The following TRAPPC9 variants were observed in gnomAD, a reference collection of about 807,000 sequenced individuals.
The protein encoded by TRAPPC9 is IKK2 binding protein.
Under a neutral mutation model 124.0 loss-of-function variants are expected in TRAPPC9, and 83 were observed. The ratio of observed to expected loss-of-function variants is 0.67; its 90% CI spans 0.56 to 0.80. The LOEUF is 0.80. TRAPPC9 is among the 30% of genes least tolerant of loss of function. The probability of loss-of-function intolerance (pLI) is 0.00; values close to 1 mark genes in which losing one functional copy is unlikely to be tolerated. For synonymous variants in TRAPPC9, 638 were observed against 617.5 expected (o/e 1.03, Z -0.49); for missense variants, 1,302 against 1,508.3 (o/e 0.86, Z 2.27).
intron 17 of TRAPPC9, among the ~76,000 whole-genome samples, chr8:140,064,554 C>T (rs1842806941): frequency 1.3e-5 from 2 of 152,156 alleles, no homozygotes; most frequent in African/African-American, 4.8e-5. Flanking sequence ...CCTGCAGGCG[C>T]ACAGGGTCCT....
chr8:140,163,290 TCTAACTTGGG>T (rs2061780784), intron 17 of TRAPPC9, among the ~76,000 whole-genome samples: 2 of 152,140 alleles, frequency 1.3e-5, no homozygotes, highest in African/African-American at 4.8e-5. Flanking sequence ...TCCTCGAGTT[TCTAACTTGGG>T]CTGTGAGTGC....
chr8:139,813,828 T>C (rs770621626), intron 21 of TRAPPC9, among the ~76,000 whole-genome samples: 1 of 151,928 alleles, frequency 6.6e-6, no homozygotes, highest in Non-Finnish European at 1.5e-5. Context: ...AAAAACCACA[T>C]GGTGACAGCG....
intron 17 of TRAPPC9, among the ~76,000 whole-genome samples, chr8:140,069,019 G>A (rs1415296617): frequency 6.6e-6 from 1 of 152,180 alleles, no homozygotes; most frequent in Non-Finnish European, 1.5e-5. Flanking sequence ...CCAACTGGCT[G>A]TGCCTGAGTC....
At chr8:140,288,193 A>G (rs2065545547) in intron 12 of TRAPPC9, among the ~76,000 whole-genome samples, 1 of 152,180 alleles carries the variant, frequency 6.6e-6, no homozygotes. Flanking sequence ...AAAATTTTTA[A>G]TTAGCCAGGG....
At chr8:139,926,420 C>T (rs1217935689) in intron 19 of TRAPPC9, among the ~76,000 whole-genome samples, 2 of 152,056 alleles carry the variant, frequency 1.3e-5, no homozygotes, top group Non-Finnish European at 2.9e-5. Context: ...GAATGGGTAC[C>T]CCAAGATCAC....
intron 21 of TRAPPC9, among the ~76,000 whole-genome samples, chr8:139,794,817 C>T (rs895906619): frequency 6.6e-6 from 1 of 152,196 alleles, no homozygotes; most frequent in Non-Finnish European, 1.5e-5. Flanking sequence ...CTGTGGGAGT[C>T]GCCTACCATT....
intron 21 of TRAPPC9, among the ~76,000 whole-genome samples, chr8:139,859,419 C>G (rs1827996303): frequency 6.6e-6 from 1 of 152,212 alleles, no homozygotes; most frequent in South Asian, 2.1e-4. Context: ...CTAAGCAAAG[C>G]TGAATTTCTG....
In TRAPPC9 at chr8:139,825,064, A is replaced by G. The variant is rs1303279337; in HGVS notation, c.3055+60815T>C. ...AAGGACCTCTCATTCCACAGAGAAC[A>G]CTCAGGGGTGGGGTTGCTGGAGTGG... is the stretch of plus-strand genomic sequence containing the variant. On this transcript the variant is annotated intron_variant, in intron 21 of 22. Coordinates refer to ENST00000438773, the MANE Select transcript of TRAPPC9 (RefSeq NM_001160372.4). The surrounding 1 kb of genome is among the most constrained non-coding windows in gnomAD (Gnocchi z 4.6). 6.6e-6 allele frequency among the ~76,000 whole-genome samples: 1 copy of G among 151,988 alleles called. No homozygotes were observed. The highest frequency in any genetic ancestry group is 2.4e-5 in the African/African-American group (1 of 41,392).
chr8:140,046,550 T>C (rs972600727), intron 17 of TRAPPC9, among the ~76,000 whole-genome samples: 31 of 152,240 alleles, frequency 2.0e-4, no homozygotes, highest in African/African-American at 7.0e-4. Flanking sequence ...CTGGGAAGAC[T>C]TCTGCAATGT....
At chr8:140,044,250 A>G (rs1331760591) in intron 17 of TRAPPC9, among the ~76,000 whole-genome samples, 1 of 150,962 alleles carries the variant, frequency 6.6e-6, no homozygotes, top group Non-Finnish European at 1.5e-5. Context: ...GTGCTGGTCC[A>G]GAAGCAACAG....
intron 16 of TRAPPC9, among the ~76,000 whole-genome samples, chr8:140,229,387 G>A (rs1051907258): frequency 3.4e-5 from 5 of 147,052 alleles, no homozygotes; most frequent in Non-Finnish European, 5.9e-5. Context: ...TCAGCCTCCC[G>A]AGTAGCTAGG....
intron 15 of TRAPPC9, among the ~76,000 whole-genome samples, chr8:140,255,075 G>A (rs1298892161): frequency 1.3e-5 from 2 of 152,232 alleles, no homozygotes; most frequent in Non-Finnish European, 2.9e-5. Flanking sequence ...GCACGGTCCT[G>A]CAGAACTGGC....
intron 21 of TRAPPC9, among the ~76,000 whole-genome samples, chr8:139,875,038 C>T (rs1829233407): frequency 6.6e-6 from 1 of 152,162 alleles, no homozygotes; most frequent in Admixed American, 6.5e-5. Context: ...AGTAGGTGCT[C>T]CACAAACACT....
intron 18 of TRAPPC9, among the ~76,000 whole-genome samples, chr8:140,011,550 C>A (rs1468658058): frequency 1.5e-5 from 2 of 134,482 alleles, no homozygotes; most frequent in African/African-American, 5.8e-5. Flanking sequence ...CGTCACCAGG[C>A]TGGAGTGCAG....
intron 17 of TRAPPC9, among the ~76,000 whole-genome samples, chr8:140,140,196 G>C (rs142010753): frequency 6.6e-6 from 1 of 152,306 alleles, no homozygotes; most frequent in East Asian, 1.9e-4. Flanking sequence ...ACCACTCATT[G>C]AATCAGGAGC....
chr8:139,830,217 C>T (rs972416709), intron 21 of TRAPPC9, among the ~76,000 whole-genome samples: 3 of 152,124 alleles, frequency 2.0e-5, no homozygotes, highest in African/African-American at 7.2e-5. Context: ...TGCATACACA[C>T]ACAAATGAGC....
chr8:140,116,394 T>C (rs1268909192), intron 17 of TRAPPC9, among the ~76,000 whole-genome samples: 3 of 152,160 alleles, frequency 2.0e-5, no homozygotes, highest in Admixed American at 6.5e-5. Context: ...GCACCAATTC[T>C]ACATGTGACA....
intron 15 of TRAPPC9, among the ~76,000 whole-genome samples, chr8:140,258,391 T>C (rs1015691531): frequency 3.3e-5 from 5 of 152,250 alleles, no homozygotes; most frequent in Non-Finnish European, 7.3e-5. Context: ...TAATAATCTA[T>C]AGAACATAAA....
At chr8:139,765,929 C>T (rs980259861) in intron 21 of TRAPPC9, among the ~76,000 whole-genome samples, 5 of 152,210 alleles carry the variant, frequency 3.3e-5, no homozygotes, top group Non-Finnish European at 7.3e-5. Flanking sequence ...AGGCTTCTCC[C>T]CCATCTGACC....
Sources: gnomAD v4.1 joint callset for allele counts (sites outside exome capture counted in the v4.1 genomes callset) on GRCh38, gnomAD v4.1.1 for gene constraint, Gnocchi (gnomAD v3.1) non-coding constraint, MANE v1.5 for transcripts, NCBI Gene and HGNC (gene_info 2026-07-23, HGNC 2026-07-21) for gene names.